Variants in EHMT1 observed in about 807,000 individuals in gnomAD.
The protein encoded by EHMT1 is euchromatic histone lysine methyltransferase 1.
In EHMT1, 15 loss-of-function variants were observed where a neutral mutation model predicts 147.2. That is an observed-to-expected ratio of 0.10 (90% CI 0.07 to 0.16). The LOEUF (loss-of-function observed/expected upper bound fraction) is 0.16. Among genes scored for constraint, EHMT1 ranks in the 10% least tolerant of loss-of-function variants. The pLI is 1.00. For missense variants in EHMT1, 1,587 were observed against 1,772.4 expected, an observed-to-expected ratio of 0.90 and a Z score of 1.88; for synonymous variants, 795 against 709.6, an observed-to-expected ratio of 1.12 and a Z score of -1.91.
At chr9:137,830,210 C>G (rs1956095657) in intron 25 of EHMT1, among the ~76,000 whole-genome samples, 1 of 152,124 alleles carries the variant, frequency 6.6e-6, no homozygotes, top group Admixed American at 6.5e-5. Context: ...GCAGGCGAGC[C>G]CGTCTCCTTT....
rs959196343 is a variant in EHMT1 at position 137,782,442 on chromosome 9, T to C, written c.2382+45T>C. ...TCCTAGGGCTCTTCACCTGCTCTCT[T>C]TTATTTTTACCAAAGTAAAATCATA... On this transcript the variant is annotated intron_variant, in intron 15 of 26. Transcript: ENST00000460843. The surrounding 1 kb of genome is among the most constrained non-coding windows in gnomAD (Gnocchi z 5.7). The C allele has an allele frequency of 3.3e-6, 5 of 1,525,694 alleles. No homozygotes were observed. Among genetic ancestry groups the C allele is most frequent in the Admixed American group, 1.9e-5 (1 of 53,828 alleles). The allele number at this position is 1,525,694 out of a possible 1,614,324, so 94.5% of individuals were successfully genotyped here.
At position 137,774,987 on chromosome 9, in the gene EHMT1, C is replaced by G. The variant is rs868036460; in HGVS notation, c.1648-122C>G. Reference sequence around the variant, plus strand: ...AAAGCCAAGCTGGCCTTGCAGGGCTCGGCTCAGTCAGCCCACACCTGCTGA... The same window carrying G: ...AAAGCCAAGCTGGCCTTGCAGGGCTGGGCTCAGTCAGCCCACACCTGCTGA... On this transcript the variant is annotated intron_variant, in intron 10 of 26. Transcript: ENST00000460843. The G allele has an allele frequency of 1.2e-5, 17 of 1,428,552 alleles. No homozygotes were observed. The Middle Eastern group carries it at 8.4e-4, about 71-fold the overall frequency. 88.5% of individuals were successfully genotyped at this position (1,428,552 alleles called of 1,614,324 possible).
intron 25 of EHMT1, among the ~76,000 whole-genome samples, chr9:137,831,356 A>T (rs1313799817): frequency 6.6e-6 from 1 of 152,216 alleles, no homozygotes; most frequent in Non-Finnish European, 1.5e-5. Flanking sequence ...GGGGAGAGTC[A>T]TCATATTGTC....
chr9:137,668,545 G>C (rs1023688874), intron 1 of EHMT1, among the ~76,000 whole-genome samples: 1 of 152,180 alleles, frequency 6.6e-6, no homozygotes, highest in Non-Finnish European at 1.5e-5. Flanking sequence ...TTTGTGGACA[G>C]AGCACCAGAA....
At chr9:137,742,220 C>T (rs529118961) in intron 4 of EHMT1, among the ~76,000 whole-genome samples, 1 of 152,040 alleles carries the variant, frequency 6.6e-6, no homozygotes, top group South Asian at 2.1e-4. Context: ...AAAGGACCTA[C>T]CCGCTTTGGA....
chr9:137,737,732 T>TA (rs1482843004), intron 4 of EHMT1, among the ~76,000 whole-genome samples: 2 of 152,198 alleles, frequency 1.3e-5, no homozygotes, highest in Non-Finnish European at 2.9e-5. Flanking sequence ...CCCTGCTTCT[T>TA]ACTGCTGCAC....
chr9:137,747,968 ATT>A (rs973906650), intron 6 of EHMT1: 1 of 152,076 alleles, frequency 6.6e-6, no homozygotes, highest in African/African-American at 2.4e-5. Context: ...CACAGAATGC[ATT>A]CTTTCTTTTT....
chr9:137,721,649 G>A (rs764107186), intron 3 of EHMT1, among the ~76,000 whole-genome samples: 36 of 145,100 alleles, frequency 2.5e-4, no homozygotes, highest in Non-Finnish European at 4.2e-4. Context: ...TCTCACTCTT[G>A]TTCCCTCCAC....
chr9:137,645,062 G>A (rs564511302), intron 1 of EHMT1, among the ~76,000 whole-genome samples: 13 of 152,180 alleles, frequency 8.5e-5, no homozygotes, highest in Admixed American at 4.6e-4. Flanking sequence ...TAGTAGAGAC[G>A]GGGTTTCGCC....
intron 1 of EHMT1, among the ~76,000 whole-genome samples, chr9:137,637,063 A>AT (rs1424800247): frequency 6.6e-6 from 1 of 150,408 alleles, no homozygotes; most frequent in African/African-American, 2.5e-5. Flanking sequence ...ACGCCTGGCT[A>AT]TTTTTTTGTA....
chr9:137,751,896 C>G (rs999317620), intron 6 of EHMT1, among the ~76,000 whole-genome samples: 4 of 152,110 alleles, frequency 2.6e-5, no homozygotes, highest in Non-Finnish European at 5.9e-5. Context: ...GTAGGTCTCA[C>G]ACTGTGTATT....
chr9:137,736,044 A>C (rs1014936237), intron 4 of EHMT1, among the ~76,000 whole-genome samples: 1 of 152,198 alleles, frequency 6.6e-6, no homozygotes, highest in African/African-American at 2.4e-5. Flanking sequence ...ATCCTACTAC[A>C]TGCTGTCTAT....
intron 1 of EHMT1, among the ~76,000 whole-genome samples, chr9:137,703,208 C>T (rs1010152904): frequency 2.6e-5 from 4 of 152,228 alleles, no homozygotes; most frequent in Non-Finnish European, 5.9e-5. Context: ...TCCTAGGCCT[C>T]CAGGCCTGTG....
At chr9:137,754,926 C>G (rs1949263623) in intron 8 of EHMT1, among the ~76,000 whole-genome samples, 1 of 152,144 alleles carries the variant, frequency 6.6e-6, no homozygotes, top group African/African-American at 2.4e-5. Flanking sequence ...AGGAAGCGGC[C>G]CCTCAGTGAG....
chr9:137,800,580 G>T (rs530808797), intron 17 of EHMT1: 2 of 468,308 alleles, frequency 4.3e-6, no homozygotes, highest in Non-Finnish European at 7.9e-6. Context: ...GTGTTGGTGC[G>T]TCCCCAGTGA....
chr9:137,827,395 G>A (rs971122904), intron 25 of EHMT1, among the ~76,000 whole-genome samples: 1 of 152,086 alleles, frequency 6.6e-6, no homozygotes, highest in Non-Finnish European at 1.5e-5. Context: ...GGAGAGCCAC[G>A]AACACACCAA....
chr9:137,740,285 C>T (rs202213100), intron 4 of EHMT1, among the ~76,000 whole-genome samples: 3 of 152,134 alleles, frequency 2.0e-5, no homozygotes, highest in Non-Finnish European at 2.9e-5. Flanking sequence ...TGCCAGTTGG[C>T]GAGAGTCTTT....
At chr9:137,672,173 G>C (rs1940745347) in intron 1 of EHMT1, among the ~76,000 whole-genome samples, 1 of 152,214 alleles carries the variant, frequency 6.6e-6, no homozygotes, top group South Asian at 2.1e-4. Context: ...TCTGCTGACT[G>C]GAAAAGATAG....
chr9:137,685,983 G>A (rs1283105552), intron 1 of EHMT1, among the ~76,000 whole-genome samples: 1 of 152,124 alleles, frequency 6.6e-6, no homozygotes, highest in African/African-American at 2.4e-5. Context: ...TCACTGTGTT[G>A]CCCAGGCTGG....
Sources: allele counts gnomAD v4.1 joint callset (sites outside exome capture counted in the v4.1 genomes callset), GRCh38; gene constraint gnomAD v4.1.1; non-coding constraint Gnocchi (gnomAD v3.1); transcripts MANE v1.5; gene names NCBI Gene and HGNC (gene_info 2026-07-23, HGNC 2026-07-21).